The following RAB37 variants were observed in gnomAD, a reference collection of about 807,000 sequenced individuals.
The protein encoded by RAB37 is ras-related protein Rab-37.
Under a neutral mutation model 33.1 loss-of-function variants are expected in RAB37, and 29 were observed. The observed-to-expected ratio is 0.88, with a 90% CI of 0.65 to 1.20. The LOEUF (loss-of-function observed/expected upper bound fraction) is 1.20, where lower values mean the gene tolerates loss of function less well. RAB37 is among the 50% of genes most tolerant of loss of function. RAB37 has a pLI of 0.00. For synonymous variants in RAB37, 128 were observed against 119.5 expected (o/e 1.07, Z -0.47); for missense variants, 299 against 301.1 (o/e 0.99, Z 0.05).
Position 74,745,911 on chromosome 17 carries a change from A to G in RAB37, c.*500A>G, listed in dbSNP as rs2034749183. On this transcript the variant is annotated 3_prime_UTR_variant, in exon 9 of 9. Coordinates refer to ENST00000392613, the MANE Select transcript of RAB37 (RefSeq NM_001006638.3). This position sits in a 1 kb window ranked among gnomAD's most constrained non-coding sequence, Gnocchi z 4.5. Reference sequence around the variant, plus strand: ...GGAGCTTATCTTCGCCCCATCTCCCAAATAAGTGGGCCCTTGTGCTGTGAG... The same window carrying G: ...GGAGCTTATCTTCGCCCCATCTCCCGAATAAGTGGGCCCTTGTGCTGTGAG... 1 of 155,344 alleles carries G rather than the reference A, an allele frequency of 6.4e-6. No individual in the cohort carries two copies. The highest frequency in any genetic ancestry group is 6.4e-5 in the Admixed American group (1 of 15,642). The allele number at this position is 155,344 out of a possible 1,614,324, so 9.6% of individuals were successfully genotyped here.
chr17:74,703,973 A>T (rs1260009701), intron 1 of RAB37, among the ~76,000 whole-genome samples: 1 of 152,252 alleles, frequency 6.6e-6, no homozygotes, highest in East Asian at 1.9e-4. Context: ...TTGACTGTGA[A>T]GACCTTTCTG....
intron 1 of RAB37, among the ~76,000 whole-genome samples, chr17:74,713,296 ACT>A (rs1208502234): frequency 7.0e-6 from 1 of 143,240 alleles, no homozygotes; most frequent in Non-Finnish European, 1.5e-5. Context: ...ACAGAACAAG[ACT>A]CTGTCTCAAA....
chr17:74,714,605 A>G (rs2034137297), intron 1 of RAB37, among the ~76,000 whole-genome samples: 1 of 152,130 alleles, frequency 6.6e-6, no homozygotes, highest in Non-Finnish European at 1.5e-5. Flanking sequence ...AAACCTGTCC[A>G]TTGTACCAGG....
At chr17:74,695,966 C>G (rs1428772986) in intron 1 of RAB37, 4 of 1,386,956 alleles carry the variant, frequency 2.9e-6, no homozygotes, top group African/African-American at 1.4e-5. Context: ...CCAGGTGCCC[C>G]TCTCCCATTT....
chr17:74,727,140 C>A (rs2034316372), intron 1 of RAB37, among the ~76,000 whole-genome samples: 2 of 152,238 alleles, frequency 1.3e-5, no homozygotes, highest in Non-Finnish European at 1.5e-5. Flanking sequence ...TCTTTGAAAT[C>A]TTGTCTTCTC....
intron 1 of RAB37, among the ~76,000 whole-genome samples, chr17:74,690,636 T>C (rs2032141794): frequency 6.6e-6 from 1 of 152,180 alleles, no homozygotes; most frequent in Non-Finnish European, 1.5e-5. Context: ...TCGCCCCAGC[T>C]ACTTCTCTAG....
rs140206374 is a variant in RAB37, at chr17:74,695,084, C to T, written c.72+23426C>T. The stretch of plus-strand genomic sequence containing the variant: ...CACAGCCTGGGGTCCAAGAAGGAGC[C>T]TGGAGTGCAGGCTAAGGCCTGCTGA... On this transcript the variant is annotated intron_variant, in intron 1 of 7. Coordinates refer to the RAB37 transcript ENST00000340415. 4.3e-4 allele frequency: 688 copies of T among 1,609,738 alleles called. 1 individual carries two copies. In the East Asian group the frequency reaches 0.011, roughly 26 times the overall value.
chr17:74,713,367 A>C (rs539426034), intron 1 of RAB37, among the ~76,000 whole-genome samples: 18 of 151,894 alleles, frequency 1.2e-4, no homozygotes, highest in Non-Finnish European at 1.9e-4. Context: ...ATTTCGAGGC[A>C]GTTGACAATG....
rs138965736 is a variant in RAB37 at position 74,696,197 on chromosome 17, G to T, written c.72+24539G>T. On this transcript the variant is annotated intron_variant, in intron 1 of 7. Transcript: ENST00000340415. ...TCCGACCTTGGGGGCTATCTTACCT[G>T]CTCTGGGGACATCCCGGCTGCTAAA... 1.9e-6 allele frequency: 3 copies of T among 1,606,942 alleles called. No homozygotes were observed. The African/African-American group carries it at 4.0e-5, about 22-fold the overall frequency.
chr17:74,674,191 C>T (rs2143452515), intron 1 of RAB37, among the ~76,000 whole-genome samples: 1 of 152,232 alleles, frequency 6.6e-6, no homozygotes, highest in East Asian at 1.9e-4. Context: ...TCTCCCACCT[C>T]AGCCTCCCCA....
chr17:74,722,341 TG>T (rs1052645556), intron 1 of RAB37, among the ~76,000 whole-genome samples: 13 of 148,924 alleles, frequency 8.7e-5, no homozygotes, highest in Non-Finnish European at 1.4e-4. Flanking sequence ...CTTACATGAC[TG>T]GGGGCTGGCA....
chr17:74,673,512 ACCATCCT>A (rs577717282), intron 1 of RAB37, among the ~76,000 whole-genome samples: 92 of 151,608 alleles, frequency 6.1e-4, no homozygotes, highest in African/African-American at 2.2e-3. Flanking sequence ...CCAAGTTTAT[ACCATCCT>A]ATAAAGGTAT....
At chr17:74,686,481 C>T (rs1474163274) in intron 1 of RAB37, among the ~76,000 whole-genome samples, 1 of 152,110 alleles carries the variant, frequency 6.6e-6, no homozygotes, top group African/African-American at 2.4e-5. Context: ...ACCTCTACCT[C>T]CTGGGTTCGA....
chr17:74,727,026 A>G lies in RAB37; in HGVS notation c.73-2230A>G, dbSNP rs547135939. 2.0e-5 allele frequency among the ~76,000 whole-genome samples: 3 copies of G among 152,270 alleles called. No individual in the cohort carries two copies. In the East Asian group the frequency reaches 5.8e-4, roughly 29 times the overall value. ...CTCTGTTGTTTATGATTTTCTTTCAAACATTTCATCTGAACTTCCAAGCTA... is the reference window on the plus strand; with the variant it reads ...CTCTGTTGTTTATGATTTTCTTTCAGACATTTCATCTGAACTTCCAAGCTA... On this transcript the variant is annotated intron_variant, in intron 1 of 7. Coordinates refer to the RAB37 transcript ENST00000340415.
upstream of RAB37, among the ~76,000 whole-genome samples, chr17:74,733,675 C>T (rs142339441): frequency 3.4e-5 from 5 of 146,898 alleles, no homozygotes; most frequent in Non-Finnish European, 7.5e-5. Context: ...GCATACACAG[C>T]CTCAGAGTGA....
At chr17:74,704,308 A>G in intron 1 of RAB37, 1 of 609,752 alleles carries the variant, frequency 1.6e-6, no homozygotes, top group Non-Finnish European at 2.9e-6. Flanking sequence ...CCATGGGGGC[A>G]TTGAAGAGAG....
chr17:74,716,590 G>C (rs139192634), intron 1 of RAB37, among the ~76,000 whole-genome samples: 1 of 152,122 alleles, frequency 6.6e-6, no homozygotes, highest in African/African-American at 2.4e-5. Context: ...AAATTGAGAC[G>C]CAGAGAGCAA....
rs549614135 is a variant in RAB37, at chr17:74,671,597, A to G, written c.11A>G (p.Gln4Arg). Residue 4 changes from glutamine to arginine, a missense_variant, in exon 1 of 8, where the codon CAG (glutamine) becomes CGG (arginine). Gln to Arg is a conservative substitution (Grantham distance 43). Coordinates refer to the RAB37 transcript ENST00000340415. This position sits in a 1 kb window ranked among gnomAD's most constrained non-coding sequence, Gnocchi z 5.0. ...AGCTCCAAGCCTGGCATGGACCTGC[A>G]GAGACCCGATTCCTACCAGGGAGGA... 2.5e-5 allele frequency: 40 copies of G among 1,614,162 alleles called. 1 individual carries two copies. In the South Asian group the frequency reaches 3.5e-4, roughly 14 times the overall value.
intron 1 of RAB37, chr17:74,695,617 C>T (rs1474585351): frequency 6.6e-7 from 1 of 1,507,378 alleles, no homozygotes; most frequent in East Asian, 2.3e-5. Flanking sequence ...CCACACCTGC[C>T]TCCTCTATGC....
Sources: allele counts gnomAD v4.1 joint callset (sites outside exome capture counted in the v4.1 genomes callset), GRCh38; gene constraint gnomAD v4.1.1; non-coding constraint Gnocchi (gnomAD v3.1); transcripts MANE v1.5; gene names NCBI Gene and HGNC (gene_info 2026-07-23, HGNC 2026-07-21).